The following STX8 variants were observed in gnomAD, a reference collection of about 807,000 sequenced individuals.
The protein encoded by STX8 is syntaxin 8.
In STX8, 23 loss-of-function variants were observed where a neutral mutation model predicts 37.5. The observed-to-expected ratio is 0.61, with a 90% CI of 0.44 to 0.87. The LOEUF is 0.87. Ranked by LOEUF, STX8 falls within the 40% of genes least tolerant of loss-of-function variation. The pLI, the probability that STX8 is intolerant of heterozygous loss-of-function variation, is 0.00. For synonymous variants in STX8, 115 were observed against 99.1 expected (o/e 1.16, Z -0.95); for missense variants, 313 against 284.7 (o/e 1.10, Z -0.71).
intron 6 of STX8, among the ~76,000 whole-genome samples, chr17:9,398,039 C>T (rs980911088): frequency 1.3e-5 from 2 of 149,280 alleles, no homozygotes; most frequent in East Asian, 2.0e-4. Context: ...TTGAATAATA[C>T]GTGAAGGCGA....
chr17:9,395,845 A>G (rs1012126689), intron 6 of STX8, among the ~76,000 whole-genome samples: 10 of 152,230 alleles, frequency 6.6e-5, no homozygotes, highest in African/African-American at 9.6e-5. Context: ...AGACACAATT[A>G]GTCCTCCCAG....
intron 7 of STX8, among the ~76,000 whole-genome samples, chr17:9,332,685 A>G (rs889204480): frequency 1.4e-4 from 22 of 152,246 alleles, no homozygotes; most frequent in African/African-American, 5.3e-4. Context: ...ATCCTTTTTC[A>G]GAGTCTCTAC....
intron 1 of STX8, among the ~76,000 whole-genome samples, chr17:9,571,599 CAA>C (rs66741519): frequency 0.68 from 67,351 of 99,374 alleles, 22,337 homozygotes; most frequent in East Asian, 0.82. Flanking sequence ...GACTTTGTCT[CAA>C]AAAAAAAAAA....
chr17:9,434,639 T>G (rs1052748775), intron 6 of STX8, among the ~76,000 whole-genome samples: 1 of 152,164 alleles, frequency 6.6e-6, no homozygotes, highest in Non-Finnish European at 1.5e-5. Context: ...AGGCTTAGCC[T>G]GGGAGGGTTC....
intron 1 of STX8, among the ~76,000 whole-genome samples, chr17:9,570,922 C>T (rs866210844): frequency 6.6e-6 from 1 of 152,102 alleles, no homozygotes; most frequent in Non-Finnish European, 1.5e-5. Context: ...GGGAGGAGCA[C>T]ATTCTAGACT....
At chr17:9,447,949 C>T (rs149742195) in intron 6 of STX8, among the ~76,000 whole-genome samples, 1,779 of 151,790 alleles carry the variant, frequency 0.012, 38 homozygotes, top group African/African-American at 0.041. Flanking sequence ...GAGGCCGAGG[C>T]AGGCAGATCA....
chr17:9,263,077 C>G (rs1468559863), intron 7 of STX8, among the ~76,000 whole-genome samples: 1 of 152,220 alleles, frequency 6.6e-6, no homozygotes, highest in Non-Finnish European at 1.5e-5. Context: ...GACACCCCGT[C>G]TGGGTTGCAT....
At chr17:9,456,375 T>G (rs996041085) in intron 6 of STX8, among the ~76,000 whole-genome samples, 1 of 152,146 alleles carries the variant, frequency 6.6e-6, no homozygotes, top group South Asian at 2.1e-4. Context: ...GGAAACCAAA[T>G]GAAACACCAT....
intron 7 of STX8, among the ~76,000 whole-genome samples, chr17:9,289,232 T>G (rs1908216593): frequency 6.6e-6 from 1 of 152,116 alleles, no homozygotes; most frequent in African/African-American, 2.4e-5. Context: ...AAGTACTATC[T>G]CAAGAAAATT....
At chr17:9,475,561 G>C (rs915951561) in intron 6 of STX8, among the ~76,000 whole-genome samples, 6 of 152,184 alleles carry the variant, frequency 3.9e-5, no homozygotes, top group African/African-American at 1.4e-4. Flanking sequence ...GGAACCCCCG[G>C]AACAGCCTTC....
At chr17:9,255,227 C>T (rs1906743342) in intron 7 of STX8, among the ~76,000 whole-genome samples, 1 of 151,994 alleles carries the variant, frequency 6.6e-6, no homozygotes, top group Non-Finnish European at 1.5e-5. Flanking sequence ...CACACATTAT[C>T]TATAAAAAAT....
intron 6 of STX8, among the ~76,000 whole-genome samples, chr17:9,454,071 C>T (rs1023313264): frequency 2.6e-5 from 4 of 152,150 alleles, no homozygotes; most frequent in African/African-American, 7.2e-5. Context: ...ATGTTTTCTA[C>T]ATTATATATA....
At chr17:9,386,008 AGG>A (rs1469549950) in intron 6 of STX8, among the ~76,000 whole-genome samples, 3 of 151,324 alleles carry the variant, frequency 2.0e-5, no homozygotes, top group Non-Finnish European at 4.4e-5. Flanking sequence ...TCCTAACCTC[AGG>A]TGATCCACCT....
intron 4 of STX8, among the ~76,000 whole-genome samples, chr17:9,525,223 T>C (rs1002753463): frequency 1.3e-5 from 2 of 152,052 alleles, no homozygotes; most frequent in Admixed American, 6.5e-5. Context: ...TGCAGACTGG[T>C]ATAGAAACTA....
Position 9,491,917 on chromosome 17 carries a change from C to G in STX8, c.453G>C (p.Gln151His). Residue 151 changes from glutamine to histidine, a missense_variant, in exon 6 of 8, where the codon CAG (glutamine) becomes CAC (histidine). Physicochemically the swap from Gln to His is conservative, Grantham distance 24. Coordinates refer to ENST00000306357, the MANE Select transcript of STX8 (RefSeq NM_004853.3). ...RQQQQKIIQEQDAGLDALSSI... is the reference protein window; with the variant it reads ...RQQQQKIIQEHDAGLDALSSI... ...AGGAAAGGGCATCAAGGCCTGCGTC[C>G]TGTTCTGAAAGAAAAAAGAAAAATA... 1 of 1,605,284 alleles carries G rather than the reference C, an allele frequency of 6.2e-7. No homozygotes were observed. Among genetic ancestry groups the G allele is most frequent in the Non-Finnish European group, 8.5e-7 (1 of 1,177,306 alleles).
chr17:9,471,866 C>G (rs965792208), intron 6 of STX8, among the ~76,000 whole-genome samples: 1 of 152,120 alleles, frequency 6.6e-6, no homozygotes, highest in Admixed American at 6.6e-5. Context: ...GCTTTGTATC[C>G]TTTTGCTATG....
At chr17:9,385,073 T>C (rs1597638780) in intron 6 of STX8, among the ~76,000 whole-genome samples, 1 of 151,800 alleles carries the variant, frequency 6.6e-6, no homozygotes, top group South Asian at 2.1e-4. Context: ...AAAAATTTCT[T>C]GGACAGGACA....
chr17:9,490,528 C>G (rs1906810796), intron 6 of STX8, among the ~76,000 whole-genome samples: 2 of 152,028 alleles, frequency 1.3e-5, no homozygotes, highest in African/African-American at 2.4e-5. Flanking sequence ...TGGGCCACCA[C>G]GCCCAGCTAA....
intron 3 of STX8, among the ~76,000 whole-genome samples, chr17:9,549,861 C>T (rs952274962): frequency 6.6e-6 from 1 of 152,044 alleles, no homozygotes; most frequent in African/African-American, 2.4e-5. Flanking sequence ...TGGACAGGTG[C>T]GTAGCAGTTG....
Sources: gnomAD v4.1 joint callset for allele counts (sites outside exome capture counted in the v4.1 genomes callset) on GRCh38, gnomAD v4.1.1 for gene constraint, MANE v1.5 for transcripts, NCBI Gene and HGNC (gene_info 2026-07-23, HGNC 2026-07-21) for gene names.